Variants in CGNL1 observed in about 807,000 individuals in gnomAD.
The protein encoded by CGNL1 is cingulin like 1.
A neutral mutation model predicts 141.2 loss-of-function variants in CGNL1; 132 were observed. That is an observed-to-expected ratio of 0.93 (90% CI 0.81 to 1.08). The LOEUF is 1.08. CGNL1 is among the 50% of genes least tolerant of loss of function. The pLI, the probability that CGNL1 is intolerant of heterozygous loss-of-function variation, is 0.00. For missense variants in CGNL1, 1,870 were observed against 1,588.6 expected, an observed-to-expected ratio of 1.18 and a Z score of -3.01; for synonymous variants, 690 against 622.1, an observed-to-expected ratio of 1.11 and a Z score of -1.63.
At chr15:57,523,766 T>G (rs1339358067) in intron 11 of CGNL1, 125 bp downstream of exon 11, 2 of 980,000 alleles carry the variant, frequency 2.0e-6, no homozygotes, top group African/African-American at 3.3e-5. Context: ...TGTCAGGGAT[T>G]TGCAGATCCC....
intron 1 of CGNL1, among the ~76,000 whole-genome samples, chr15:57,433,413 G>C (rs997001905): frequency 1.3e-5 from 2 of 152,202 alleles, no homozygotes; most frequent in African/African-American, 4.8e-5. Flanking sequence ...AAACCTGCAA[G>C]AGGCAAAAAA....
chr15:57,472,412 T>G (rs1231918310), intron 8 of CGNL1, among the ~76,000 whole-genome samples: 1 of 152,070 alleles, frequency 6.6e-6, no homozygotes, highest in Non-Finnish European at 1.5e-5. Flanking sequence ...GACAGATTTT[T>G]AGAGAGAGAG....
chr15:57,442,999 T>C (rs139776252), intron 4 of CGNL1, among the ~76,000 whole-genome samples: 1 of 152,150 alleles, frequency 6.6e-6, no homozygotes, highest in African/African-American at 2.4e-5. Flanking sequence ...TACAAACAGA[T>C]GGCGAGATTT....
chr15:57,386,400 T>C (rs1291146002), intron 1 of CGNL1, among the ~76,000 whole-genome samples: 1 of 152,224 alleles, frequency 6.6e-6, no homozygotes, highest in African/African-American at 2.4e-5. Flanking sequence ...ATTCCTAAGG[T>C]ATGCCTTTTG....
intron 4 of CGNL1, among the ~76,000 whole-genome samples, chr15:57,449,705 G>T (rs2063298888): frequency 6.6e-6 from 1 of 152,172 alleles, no homozygotes; most frequent in East Asian, 1.9e-4. Flanking sequence ...AATCCTGTGT[G>T]TTCTGCCTGT....
intron 1 of CGNL1, among the ~76,000 whole-genome samples, chr15:57,413,426 C>T (rs372675789): frequency 4.6e-5 from 7 of 152,270 alleles, no homozygotes; most frequent in Middle Eastern, 3.4e-3. Flanking sequence ...ACAAGGTGCG[C>T]ACCGCCATGC....
chr15:57,525,559 G>A (rs577677700), intron 12 of CGNL1, among the ~76,000 whole-genome samples: 1 of 152,300 alleles, frequency 6.6e-6, no homozygotes, highest in South Asian at 2.1e-4. Flanking sequence ...CAGCGAGTCT[G>A]TACATCCCGG....
intron 1 of CGNL1, among the ~76,000 whole-genome samples, chr15:57,401,017 AT>A (rs1214587391): frequency 9.3e-5 from 14 of 150,794 alleles, no homozygotes; most frequent in Admixed American, 6.6e-4. Flanking sequence ...GGATTTGATA[AT>A]TTTTTTTTAG....
At chr15:57,452,326 G>A (rs567984922) in intron 6 of CGNL1, 37 bp downstream of exon 6, 1 of 1,592,628 alleles carries the variant, frequency 6.3e-7, no homozygotes, top group Admixed American at 1.8e-5. Flanking sequence ...CCCTTCCCAG[G>A]TTCTCTATGA....
chr15:57,464,665 GTTTCTTTTCCTTTCC>G (rs1334040092), intron 8 of CGNL1, among the ~76,000 whole-genome samples: 28 of 129,222 alleles, frequency 2.2e-4, no homozygotes, highest in Admixed American at 6.2e-4. Flanking sequence ...TTTCTCTGCG[GTTTCTTTTCCTTTCC>G]TTTCCTTTCC....
chr15:57,427,257 G>A (rs2062985940), intron 1 of CGNL1, among the ~76,000 whole-genome samples: 1 of 152,180 alleles, frequency 6.6e-6, no homozygotes, highest in Admixed American at 6.5e-5. Flanking sequence ...AAATATTTCA[G>A]AAGGTTTATT....
chr15:57,493,415 T>G (rs542195086), intron 8 of CGNL1, among the ~76,000 whole-genome samples: 1 of 152,090 alleles, frequency 6.6e-6, no homozygotes, highest in South Asian at 2.1e-4. Flanking sequence ...TTTCATGACA[T>G]AAAGACACAG....
intron 1 of CGNL1, among the ~76,000 whole-genome samples, chr15:57,424,817 TG>T (rs1418822873): frequency 2.6e-5 from 4 of 152,200 alleles, no homozygotes; most frequent in African/African-American, 9.7e-5. Flanking sequence ...GTAACATCTG[TG>T]CAATGAAATC....
chr15:57,486,561 C>A lies in CGNL1; in HGVS notation c.2403+24669C>A, dbSNP rs118005107. On this transcript the variant is annotated intron_variant, in intron 8 of 18. Coordinates refer to ENST00000281282, the MANE Select transcript of CGNL1 (RefSeq NM_032866.5). ...TTTTAGCCTTTTAACTGAAGTCCCTCCTCACAGCTGTGGATTGATTGGAGA... is the reference window on the plus strand; with the variant it reads ...TTTTAGCCTTTTAACTGAAGTCCCTACTCACAGCTGTGGATTGATTGGAGA... 2.6e-5 allele frequency among the ~76,000 whole-genome samples: 4 copies of A among 152,334 alleles called. No individual in the cohort carries two copies. The East Asian group carries it at 7.7e-4, about 29-fold the overall frequency.
intron 9 of CGNL1, among the ~76,000 whole-genome samples, chr15:57,517,443 G>A (rs1415087523): frequency 6.6e-6 from 1 of 152,186 alleles, no homozygotes; most frequent in African/African-American, 2.4e-5. Context: ...ACTGAGAGAT[G>A]GCACACTCTC....
At chr15:57,460,388 T>C (rs2063430438) in intron 7 of CGNL1, among the ~76,000 whole-genome samples, 1 of 152,148 alleles carries the variant, frequency 6.6e-6, no homozygotes, top group African/African-American at 2.4e-5. Flanking sequence ...CTTTCAGACA[T>C]TTTGGTGGTG....
At chr15:57,487,712 T>C (rs893079780) in intron 8 of CGNL1, among the ~76,000 whole-genome samples, 8 of 152,244 alleles carry the variant, frequency 5.3e-5, no homozygotes, top group Non-Finnish European at 1.2e-4. Flanking sequence ...ACTTTGCCTT[T>C]ACTGGTTTTT....
At chr15:57,457,453 G>A (rs1417025776) in intron 7 of CGNL1, among the ~76,000 whole-genome samples, 1 of 152,102 alleles carries the variant, frequency 6.6e-6, no homozygotes, top group Admixed American at 6.5e-5. Context: ...TAAGAAGGTG[G>A]ACCTCCTTAA....
At chr15:57,447,126 T>C (rs1177239249) in intron 4 of CGNL1, among the ~76,000 whole-genome samples, 1 of 152,190 alleles carries the variant, frequency 6.6e-6, no homozygotes, top group Non-Finnish European at 1.5e-5. Flanking sequence ...TTAATATTAT[T>C]GGTGTTCTTA....
Sources: allele counts gnomAD v4.1 joint callset (sites outside exome capture counted in the v4.1 genomes callset), GRCh38; gene constraint gnomAD v4.1.1; transcripts MANE v1.5; gene names NCBI Gene and HGNC (gene_info 2026-07-23, HGNC 2026-07-21).